Variants in MTHFD2 observed in about 807,000 individuals in gnomAD.
The protein encoded by MTHFD2 is bifunctional methylenetetrahydrofolate dehydrogenase/cyclohydrolase, mitochondrial.
A neutral mutation model predicts 36.8 loss-of-function variants in MTHFD2; 26 were observed. That is an observed-to-expected ratio of 0.71 (90% confidence interval 0.52 to 0.98). The LOEUF (loss-of-function observed/expected upper bound fraction) is 0.98. MTHFD2 is among the 50% of genes least tolerant of loss of function. The pLI is 0.00. For missense variants in MTHFD2, 373 were observed against 434.0 expected, an observed-to-expected ratio of 0.86 and a Z score of 1.25; for synonymous variants, 164 against 155.2, an observed-to-expected ratio of 1.06 and a Z score of -0.42.
rs780016557 is a variant in MTHFD2 at position 74,214,272 on chromosome 2, C to T, written c.*30C>T. ...TGTGTCTTCTGTGTCACAAACAGCA[C>T]TCCAGGCCAGCTCAAGAAGCAAAGC... On this transcript the variant is annotated 3_prime_UTR_variant, in exon 8 of 8. Transcript: ENST00000394053. 2 of 1,598,678 alleles carry T rather than the reference C, an allele frequency of 1.3e-6. No individual in the cohort carries two copies. The highest frequency in any genetic ancestry group is 1.8e-5 in the Admixed American group (1 of 56,808).
intron 4 of MTHFD2, among the ~76,000 whole-genome samples, chr2:74,209,160 G>A (rs1164961695): frequency 1.3e-5 from 2 of 152,128 alleles, no homozygotes; most frequent in African/African-American, 4.8e-5. Context: ...ATGAGCCATC[G>A]TGCCTGCCCT....
chr2:74,204,854 C>G (rs1226808201), intron 1 of MTHFD2, among the ~76,000 whole-genome samples: 3 of 152,226 alleles, frequency 2.0e-5, no homozygotes, highest in Non-Finnish European at 2.9e-5. Context: ...GAGACGGAGT[C>G]TAGCTCTGTC....
intron 7 of MTHFD2, among the ~76,000 whole-genome samples, chr2:74,213,269 C>CTTT (rs1694349065): frequency 1.0e-5 from 1 of 95,772 alleles, no homozygotes; most frequent in African/African-American, 5.0e-5. Context: ...TTTTTTCTTT[C>CTTT]CTTTTTTTTT....
chr2:74,208,471 T>C (rs911008403), intron 3 of MTHFD2, 98 bp from the exon 4 acceptor site: 24 of 1,382,120 alleles, frequency 1.7e-5, no homozygotes, highest in Non-Finnish European at 2.3e-5. Context: ...AGGCAAGCTG[T>C]AGAAGAATAG....
chr2:74,205,177 A>T (rs1443627692), intron 1 of MTHFD2, among the ~76,000 whole-genome samples: 3 of 152,170 alleles, frequency 2.0e-5, no homozygotes, highest in Admixed American at 2.0e-4. Context: ...AAACCACCAT[A>T]AAAATGAAGT....
In MTHFD2 at chr2:74,215,346, CATTT is replaced by C. The variant is rs1215001188; in HGVS notation, c.*1106_*1109del. The C allele has an allele frequency of 2.6e-5, 4 of 151,784 alleles. No individual in the cohort carries two copies. Among genetic ancestry groups the C allele is most frequent in the Non-Finnish European group, 5.9e-5 (4 of 67,962 alleles). The allele number at this position is 151,784 out of a possible 1,614,324, so 9.4% of individuals were successfully genotyped here. A position where few individuals can be genotyped will look rare whatever the true frequency, so the allele number is the denominator to read the frequency against. ...GTTGTGACCTAACCAGTTTTTTTCT[CATTT>C]AATCAATGTAGCTATTCCTATATTC... On this transcript the variant is annotated 3_prime_UTR_variant, in exon 8 of 8. Coordinates refer to ENST00000394053, the MANE Select transcript of MTHFD2 (RefSeq NM_006636.4).
intron 1 of MTHFD2, among the ~76,000 whole-genome samples, chr2:74,204,862 G>A (rs1694142197): frequency 6.6e-6 from 1 of 152,210 alleles, no homozygotes; most frequent in Non-Finnish European, 1.5e-5. Context: ...GTCTAGCTCT[G>A]TCACCGAGGC....
chr2:74,214,262 A>T lies in MTHFD2; in HGVS notation c.*20A>T. The T allele has an allele frequency of 6.2e-7, 1 of 1,611,446 alleles. No homozygotes were observed. ...AATTAACTACTGTGTCTTCTGTGTC[A>T]CAAACAGCACTCCAGGCCAGCTCAA... On this transcript the variant is annotated 3_prime_UTR_variant, in exon 8 of 8. Coordinates refer to ENST00000394053, the MANE Select transcript of MTHFD2 (RefSeq NM_006636.4).
intron 1 of MTHFD2, 58 bp downstream of exon 1, chr2:74,198,800 G>A: frequency 2.8e-6 from 4 of 1,442,584 alleles, no homozygotes; most frequent in Non-Finnish European, 3.7e-6. Context: ...GAGGGCGAGG[G>A]GCACGCCGGG....
At chr2:74,207,908 C>A in intron 3 of MTHFD2, 82 bp downstream of exon 3, 2 of 1,353,432 alleles carry the variant, frequency 1.5e-6, no homozygotes, top group Non-Finnish European at 2.0e-6. Flanking sequence ...CCCTCCCCAT[C>A]CCCCTCCTCC....
intron 5 of MTHFD2, among the ~76,000 whole-genome samples, chr2:74,210,792 T>G (rs567776442): frequency 1.3e-5 from 2 of 150,480 alleles, no homozygotes; most frequent in East Asian, 4.0e-4. Flanking sequence ...TCAGTTTTTT[T>G]TTTTTTTTTT....
chr2:74,201,114 A>G (rs1263657203), intron 1 of MTHFD2, among the ~76,000 whole-genome samples: 3 of 152,004 alleles, frequency 2.0e-5, no homozygotes, highest in Non-Finnish European at 2.9e-5. Context: ...CAGCCTCCCA[A>G]ACAGCTGGGA....
chr2:74,210,728 T>G (rs948574987), intron 5 of MTHFD2, among the ~76,000 whole-genome samples: 1 of 151,524 alleles, frequency 6.6e-6, no homozygotes, highest in Non-Finnish European at 1.5e-5. Context: ...GGTATTAATT[T>G]TAAAAAAGTA....
rs368987465 is a variant in MTHFD2 at position 74,208,716 on chromosome 2, G to A, written c.557G>A (p.Arg186Gln). The change falls in exon 4 of 8, where the codon CGA becomes CAA. Residue 186 changes from arginine (R) to glutamine (Q), a missense_variant. Around this residue, in one of 2 missense-constraint regions of MTHFD2, gnomAD observed 308 missense variants for 397.8 expected, o/e 0.77. Transcript: ENST00000394053. Reference sequence around the variant, plus strand: ...TGGGGTGTGTGGGAAATAATCAAGCGAACTGGTAGGTATATCCCAGAATTG... The same window carrying A: ...TGGGGTGTGTGGGAAATAATCAAGCAAACTGGTAGGTATATCCCAGAATTG... ...TPWGVWEIIK[R>Q]TGIPTLGKNV... 16 of 1,613,808 alleles carry A rather than the reference G, an allele frequency of 9.9e-6. No individual in the cohort carries two copies. The highest frequency in any genetic ancestry group is 1.3e-5 in the African/African-American group (1 of 75,026).
At chr2:74,201,453 G>C (rs1019829151) in intron 1 of MTHFD2, among the ~76,000 whole-genome samples, 1 of 151,630 alleles carries the variant, frequency 6.6e-6, no homozygotes, top group African/African-American at 2.4e-5. Flanking sequence ...GACCTCCTGG[G>C]CTCAAGTGAT....
Position 74,211,773 on chromosome 2 carries a change from A to T in MTHFD2, c.796A>T (p.Lys266Ter). The part of the protein sequence containing the change: ...IPNLITADMI[K>*]EGAAVIDVGI... ...AAATCTGATCACAGCAGATATGATC[A>T]AGGAAGGAGCAGCAGTCATTGATGT... Residue 266 changes from lysine (K) to a stop codon, truncating the protein, a stop_gained, in exon 7 of 8, where the codon AAG (lysine) becomes TAG (stop). Transcript: ENST00000394053. LOFTEE classifies it high-confidence loss of function. 1 of 1,611,722 alleles carries T rather than the reference A, an allele frequency of 6.2e-7. No homozygotes were observed. The highest frequency in any genetic ancestry group is 1.3e-5 in the African/African-American group (1 of 74,934).
In MTHFD2 at chr2:74,214,432, G is replaced by A. The variant is rs186683201; in HGVS notation, c.*190G>A. 6 of 515,396 alleles carry A rather than the reference G, an allele frequency of 1.2e-5. No homozygotes were observed. In the East Asian group the frequency reaches 1.9e-4, roughly 16 times the overall value. The allele number at this position is 515,396 out of a possible 1,614,324, so 31.9% of individuals were successfully genotyped here. A position where few individuals can be genotyped will look rare whatever the true frequency, so the allele number is the denominator to read the frequency against. On this transcript the variant is annotated 3_prime_UTR_variant, in exon 8 of 8. Transcript: ENST00000394053. The stretch of plus-strand genomic sequence containing the variant: ...CAGTACCTCACCAGGGAGCATTCCA[G>A]TATCATGCAGGGTCCTGTGATCTAG...
At chr2:74,207,953 G>C (rs760189914) in intron 3 of MTHFD2, 127 bp downstream of exon 3, 51 of 979,904 alleles carry the variant, frequency 5.2e-5, no homozygotes, top group Non-Finnish European at 2.4e-5. Flanking sequence ...CTGTCACCCA[G>C]GCTAGAGTGC....
chr2:74,202,349 C>A (rs1694060862), intron 1 of MTHFD2, among the ~76,000 whole-genome samples: 1 of 151,948 alleles, frequency 6.6e-6, no homozygotes, highest in African/African-American at 2.4e-5. Context: ...TTATTTCATT[C>A]AACATAAATG....
Sources: gnomAD v4.1 joint callset for allele counts (sites outside exome capture counted in the v4.1 genomes callset) on GRCh38, gnomAD v4.1.1 for gene constraint, gnomAD v4.1.1 regional missense constraint, MANE v1.5 for transcripts, NCBI Gene and HGNC (gene_info 2026-07-23, HGNC 2026-07-21) for gene names.